Variants in HELZ observed in about 807,000 individuals in gnomAD.
HELZ encodes helicase with zinc finger, also known as ATP-dependent RNA helicase with zinc finger domain.
Under a neutral mutation model 218.2 loss-of-function variants are expected in HELZ, and 23 were observed. That is an observed-to-expected ratio of 0.11 (90% confidence interval 0.08 to 0.15). The LOEUF (loss-of-function observed/expected upper bound fraction) is 0.15. HELZ is among the 10% of genes least tolerant of loss of function. HELZ has a pLI of 1.00. For synonymous variants in HELZ, 814 were observed against 829.4 expected, an observed-to-expected ratio of 0.98 and a Z score of 0.32; for missense variants, 1,813 against 2,353.7, an observed-to-expected ratio of 0.77 and a Z score of 4.75.
chr17:67,100,048 G>A (rs985468395), intron 31 of HELZ, among the ~76,000 whole-genome samples: 30 of 152,024 alleles, frequency 2.0e-4, no homozygotes, highest in African/African-American at 7.2e-4. Flanking sequence ...TTTCTACCTC[G>A]TTATACAACA....
chr17:67,144,751 T>C (rs973221189), intron 21 of HELZ, among the ~76,000 whole-genome samples: 3 of 151,974 alleles, frequency 2.0e-5, no homozygotes, highest in African/African-American at 7.2e-5. Flanking sequence ...CTCCCACCCA[T>C]ACCATGGCTA....
intron 12 of HELZ, among the ~76,000 whole-genome samples, chr17:67,181,145 G>A (rs983374866): frequency 3.3e-5 from 5 of 152,100 alleles, no homozygotes; most frequent in African/African-American, 1.2e-4. Context: ...CTACTCTTTG[G>A]TGGTGGGGAG....
chr17:67,210,203 T>C (rs1183252970), intron 5 of HELZ, among the ~76,000 whole-genome samples: 2 of 152,186 alleles, frequency 1.3e-5, no homozygotes, highest in Non-Finnish European at 2.9e-5. Context: ...CCAGTCTGGG[T>C]GACACCATGA....
At chr17:67,189,555 A>G in intron 11 of HELZ, 34 bp downstream of exon 11, 1 of 1,369,250 alleles carries the variant, frequency 7.3e-7, no homozygotes, top group Non-Finnish European at 1.0e-6. Flanking sequence ...AATTAAACAC[A>G]ACTTTTATGC....
At chr17:67,180,430 C>T (rs2039574052) in intron 12 of HELZ, among the ~76,000 whole-genome samples, 1 of 152,134 alleles carries the variant, frequency 6.6e-6, no homozygotes, top group Non-Finnish European at 1.5e-5. Context: ...CTAATGTACA[C>T]TAACCACATT....
chr17:67,158,179 A>G (rs989798770), intron 17 of HELZ, among the ~76,000 whole-genome samples: 1 of 152,218 alleles, frequency 6.6e-6, no homozygotes, highest in Non-Finnish European at 1.5e-5. Flanking sequence ...CTATTTTCAC[A>G]CTATAGCACT....
chr17:67,108,709 C>A lies in HELZ; in HGVS notation c.4507G>T (p.Val1503Phe). 6.2e-7 allele frequency: 1 copy of A among 1,610,462 alleles called. No individual in the cohort carries two copies. Among genetic ancestry groups the A allele is most frequent in the Non-Finnish European group, 8.5e-7 (1 of 1,177,074 alleles). ...GEALDRIHGS[V>F]ALETLRQQQA... Reference sequence around the variant, plus strand: ...TGCTGCCTTAATGTTTCCAGAGCGACACTCCCATGTATACGATCTGCAAAA... The same window carrying A: ...TGCTGCCTTAATGTTTCCAGAGCGAAACTCCCATGTATACGATCTGCAAAA... The change falls in exon 30 of 33, where the codon GTC becomes TTC. Residue 1503 changes from valine to phenylalanine, a missense_variant. Val to Phe is a conservative substitution (Grantham distance 50, BLOSUM62 -1). Around this residue, in one of 4 missense-constraint regions of HELZ, gnomAD observed 938 missense variants for 1,027.5 expected, o/e 0.91. Transcript: ENST00000358691. The surrounding 1 kb of genome is among the most constrained non-coding windows in gnomAD (Gnocchi z 4.1).
chr17:67,105,768 T>C (rs572758750), intron 31 of HELZ, among the ~76,000 whole-genome samples: 6 of 152,350 alleles, frequency 3.9e-5, no homozygotes, highest in Non-Finnish European at 7.4e-5. Flanking sequence ...TCACAATACA[T>C]ATATGTAGAT....
chr17:67,159,330 C>T (rs185889064), intron 17 of HELZ, among the ~76,000 whole-genome samples: 1 of 152,042 alleles, frequency 6.6e-6, no homozygotes, highest in Non-Finnish European at 1.5e-5. Flanking sequence ...TGGGTCACAC[C>T]ACTTTTTTCC....
rs115571115 is a variant in HELZ, at chr17:67,082,003, G to A, written c.5495-3417C>T. On this transcript the variant is annotated intron_variant, in intron 32 of 32. Transcript: ENST00000358691. The stretch of plus-strand genomic sequence containing the variant: ...ACAGAGGAAGCCATAGGCCCTGGAG[G>A]GAGATGCTGAGACCATCACATCTAG... 4.0e-3 allele frequency among the ~76,000 whole-genome samples: 614 copies of A among 152,286 alleles called. 3 individuals are homozygous for A. The highest frequency in any genetic ancestry group is 0.013 in the African/African-American group (559 of 41,560).
chr17:67,104,798 A>C (rs1244747127), intron 31 of HELZ, among the ~76,000 whole-genome samples: 1 of 152,236 alleles, frequency 6.6e-6, no homozygotes, highest in African/African-American at 2.4e-5. Flanking sequence ...AGATGTCAAC[A>C]TCATCAGTAA....
chr17:67,154,369 C>T (rs1276607184), intron 17 of HELZ, among the ~76,000 whole-genome samples: 1 of 152,070 alleles, frequency 6.6e-6, no homozygotes, highest in African/African-American at 2.4e-5. Flanking sequence ...ATGGAGTCTG[C>T]AGTGAGCTGA....
chr17:67,178,170 G>A (rs1230209959), intron 13 of HELZ, among the ~76,000 whole-genome samples: 1 of 152,112 alleles, frequency 6.6e-6, no homozygotes. Flanking sequence ...GTGGCATATG[G>A]ATAAAATGTA....
Position 67,072,449 on chromosome 17 carries a change from A to ACTCTTAG in HELZ, c.*5802_*5803insCTAAGAG, listed in dbSNP as rs1567774082. 2 of 152,706 alleles carry ACTCTTAG rather than the reference A, an allele frequency of 1.3e-5. No individual in the cohort carries two copies. The highest frequency in any genetic ancestry group is 2.9e-5 in the Non-Finnish European group (2 of 68,090). The allele number at this position is 152,706 out of a possible 1,614,324, so 9.5% of individuals were successfully genotyped here. Reference sequence around the variant, plus strand: ...ACTCCTGCACTTAGTGCCTCGATACATGCTAGGTGCACTCTCATGGCATTC... The same window carrying ACTCTTAG: ...ACTCCTGCACTTAGTGCCTCGATACACTCTTAGTGCTAGGTGCACTCTCATGGCATTC... On this transcript the variant is annotated 3_prime_UTR_variant, in exon 33 of 33. Transcript: ENST00000358691.
At chr17:67,168,572 T>C (rs1386474474) in intron 13 of HELZ, among the ~76,000 whole-genome samples, 1 of 152,246 alleles carries the variant, frequency 6.6e-6, no homozygotes, top group Non-Finnish European at 1.5e-5. Flanking sequence ...CAGCAGATTC[T>C]AGCCATAAAA....
chr17:67,244,917 G>A lies in HELZ; in HGVS notation c.-132+231C>T, dbSNP rs1044716824. The stretch of plus-strand genomic sequence containing the variant: ...AGGACGCTGCGGGCCCCAGCGGAGG[G>A]GAAGGGGACTAAGTAGGGGAAGAAG... On this transcript the variant is annotated intron_variant, in intron 1 of 32. Transcript: ENST00000358691. 37 of 985,848 alleles carry A rather than the reference G, an allele frequency of 3.8e-5. 1 individual carries two copies. Among genetic ancestry groups the A allele is most frequent in the Non-Finnish European group, 3.7e-5 (31 of 830,448 alleles). 61.1% of individuals were successfully genotyped at this position (985,848 alleles called of 1,614,324 possible).
rs757699823 is a variant in HELZ, at chr17:67,128,838, A to T, written c.3200T>A (p.Phe1067Tyr). The change falls in exon 24 of 33, where the codon TTT becomes TAT. Residue 1067 changes from phenylalanine to tyrosine, a missense_variant. By Grantham distance (22) the Phe-to-Tyr change is conservative (BLOSUM62 3). Transcript: ENST00000358691. ...ACTGTTTTCATGACACAGGGCAATA[A>T]ACCGTTCCCAAAATTTCCTACAGAA... ...IGRCRKFWER[F>Y]IALCHENSSL... The T allele has an allele frequency of 6.2e-7, 1 of 1,613,938 alleles. No homozygotes were observed. Among genetic ancestry groups the T allele is most frequent in the Non-Finnish European group, 8.5e-7 (1 of 1,179,828 alleles).
chr17:67,205,725 GT>G (rs2143150474), intron 5 of HELZ, among the ~76,000 whole-genome samples: 1 of 152,286 alleles, frequency 6.6e-6, no homozygotes, highest in South Asian at 2.1e-4. Context: ...TTACAAACAG[GT>G]TTCATAGATC....
chr17:67,122,296 A>G (rs1324620165), intron 26 of HELZ, among the ~76,000 whole-genome samples: 1 of 152,216 alleles, frequency 6.6e-6, no homozygotes, highest in East Asian at 1.9e-4. Context: ...CTGTAATCCC[A>G]GCACTTTGGG....
Sources: gnomAD v4.1 joint callset for allele counts (sites outside exome capture counted in the v4.1 genomes callset) on GRCh38, gnomAD v4.1.1 for gene constraint, gnomAD v4.1.1 regional missense constraint, Gnocchi (gnomAD v3.1) non-coding constraint, MANE v1.5 for transcripts, NCBI Gene and HGNC (gene_info 2026-07-23, HGNC 2026-07-21) for gene names.